The following CADM2 variants were observed in gnomAD, a reference collection of about 807,000 sequenced individuals.
CADM2 encodes immunoglobulin superfamily member 4D.
CADM2 carries 12 observed loss-of-function variants against 49.8 expected under a neutral mutation model. That is an observed-to-expected ratio of 0.24 (90% CI 0.15 to 0.39). The LOEUF (loss-of-function observed/expected upper bound fraction) is 0.39. CADM2 is among the 10% of genes least tolerant of loss of function. The pLI is 1.00. For synonymous variants in CADM2, 214 were observed against 175.4 expected, an observed-to-expected ratio of 1.22 and a Z score of -1.74; for missense variants, 378 against 492.3, an observed-to-expected ratio of 0.77 and a Z score of 2.20.
intron 1 of CADM2, among the ~76,000 whole-genome samples, chr3:85,011,011 CT>C (rs1180456041): frequency 6.6e-6 from 1 of 151,374 alleles, no homozygotes; most frequent in Admixed American, 6.6e-5. Flanking sequence ...CTACAGGCGC[CT>C]GCCACCACGC....
intron 8 of CADM2, among the ~76,000 whole-genome samples, chr3:86,031,437 TTGTTTTCATGG>T (rs1159841990): frequency 6.6e-6 from 1 of 151,882 alleles, no homozygotes; most frequent in Non-Finnish European, 1.5e-5. Flanking sequence ...GATTTTGTGC[TTGTTTTCATGG>T]TGTTTTCAAA....
chr3:85,411,156 G>A (rs1237229686), intron 1 of CADM2, among the ~76,000 whole-genome samples: 1 of 152,184 alleles, frequency 6.6e-6, no homozygotes. Flanking sequence ...GTTGTAAACT[G>A]ATCTATTGTG....
chr3:85,980,258 A>G (rs1577851995), intron 8 of CADM2, among the ~76,000 whole-genome samples: 1 of 151,466 alleles, frequency 6.6e-6, no homozygotes, highest in Admixed American at 6.6e-5. Context: ...ATTCAGTTGT[A>G]TGAAGGTTAT....
At chr3:85,410,413 C>T (rs1441293816) in intron 1 of CADM2, among the ~76,000 whole-genome samples, 1 of 152,146 alleles carries the variant, frequency 6.6e-6, no homozygotes, top group African/African-American at 2.4e-5. Context: ...CTCTCCTTTT[C>T]CTTTTTTGTA....
intron 1 of CADM2, among the ~76,000 whole-genome samples, chr3:85,128,314 C>T (rs1368932614): frequency 3.3e-5 from 5 of 152,048 alleles, no homozygotes; most frequent in Admixed American, 1.3e-4. Flanking sequence ...CTTGACCTTG[C>T]AATCAATATA....
chr3:85,516,175 A>G (rs1199458612), intron 1 of CADM2, among the ~76,000 whole-genome samples: 1 of 152,186 alleles, frequency 6.6e-6, no homozygotes, highest in Non-Finnish European at 1.5e-5. Context: ...AATTTGGCCC[A>G]TGAAGTTGAA....
At chr3:86,029,429 T>C (rs1346550731) in intron 8 of CADM2, among the ~76,000 whole-genome samples, 1 of 152,004 alleles carries the variant, frequency 6.6e-6, no homozygotes. Flanking sequence ...AGATCGTTAT[T>C]TGTGGGGAAC....
In CADM2 at chr3:86,065,549, G is replaced by A. The variant is rs567688917; in HGVS notation, c.971-56G>A. 5.4e-5 allele frequency: 84 copies of A among 1,543,924 alleles called. No individual in the cohort carries two copies. In the African/African-American group the frequency reaches 1.1e-3, roughly 20 times the overall value. ...AAATAACTCATTCTAATGCAGTTAT[G>A]TATTCTGTGACTAAATAACACATTA... On this transcript the variant is annotated intron_variant, in intron 8 of 9. Transcript: ENST00000383699.
At chr3:85,104,695 A>C (rs555526488) in intron 1 of CADM2, among the ~76,000 whole-genome samples, 4 of 152,248 alleles carry the variant, frequency 2.6e-5, no homozygotes, top group South Asian at 4.1e-4. Flanking sequence ...ATTCTTCCTA[A>C]CCATGAGCAT....
intron 1 of CADM2, among the ~76,000 whole-genome samples, chr3:85,428,680 C>CATATATAT (rs112249345): frequency 2.1e-5 from 3 of 143,226 alleles, no homozygotes; most frequent in African/African-American, 7.6e-5. Flanking sequence ...TATAATATAT[C>CATATATAT]ATATATATAT....
intron 1 of CADM2, among the ~76,000 whole-genome samples, chr3:85,516,698 G>A (rs980742751): frequency 6.6e-6 from 1 of 151,816 alleles, no homozygotes; most frequent in African/African-American, 2.4e-5. Context: ...CCAATTATAG[G>A]TCTATTATTT....
intron 1 of CADM2, among the ~76,000 whole-genome samples, chr3:85,429,325 G>T (rs1314716482): frequency 2.6e-5 from 4 of 152,056 alleles, no homozygotes; most frequent in African/African-American, 7.2e-5. Context: ...TGCCCCGCAC[G>T]ATGAAAACAA....
intron 1 of CADM2, among the ~76,000 whole-genome samples, chr3:85,286,187 T>C (rs912395372): frequency 8.5e-5 from 13 of 152,146 alleles, no homozygotes; most frequent in Non-Finnish European, 1.6e-4. Context: ...AACAGGTTGA[T>C]CTGGGACCGG....
rs1336731812 is a variant in CADM2 at position 85,127,152 on chromosome 3, AATTTTTTAAAGGGTG to A, written c.61+167488_61+167502del. Among the ~76,000 whole-genome samples the A allele has an allele frequency of 1.3e-4, 20 of 152,278 alleles. No homozygotes were observed. The East Asian group carries it at 1.4e-3, about 10-fold the overall frequency. ...TATTGACATTCAGCATAATAAAATC[AATTTTTTAAAGGGTG>A]ATTAAAAAAGAGAAAACCAGGCTTT... On this transcript the variant is annotated intron_variant, in intron 1 of 9. Transcript: ENST00000383699.
At chr3:85,367,170 G>A (rs2032847697) in intron 1 of CADM2, among the ~76,000 whole-genome samples, 1 of 151,774 alleles carries the variant, frequency 6.6e-6, no homozygotes, top group Non-Finnish European at 1.5e-5. Flanking sequence ...AATAATTTTA[G>A]TAGCATGTTA....
At chr3:85,195,632 G>C (rs2041326549) in intron 1 of CADM2, among the ~76,000 whole-genome samples, 1 of 151,740 alleles carries the variant, frequency 6.6e-6, no homozygotes, top group South Asian at 2.1e-4. Flanking sequence ...TATAAAATTT[G>C]AGCTTGAAGT....
chr3:85,593,570 G>A (rs1032194540), intron 1 of CADM2, among the ~76,000 whole-genome samples: 1 of 151,964 alleles, frequency 6.6e-6, no homozygotes, highest in African/African-American at 2.4e-5. Flanking sequence ...TCTGCAAATA[G>A]AAATGTGTAA....
At chr3:85,939,332 G>T (rs781387006) in intron 7 of CADM2, among the ~76,000 whole-genome samples, 15 of 151,950 alleles carry the variant, frequency 9.9e-5, no homozygotes, top group Non-Finnish European at 2.2e-4. Flanking sequence ...TTTAATTTTA[G>T]TTTAAAGTGA....
intron 2 of CADM2, among the ~76,000 whole-genome samples, chr3:85,801,313 G>T (rs898904532): frequency 6.6e-6 from 1 of 152,014 alleles, no homozygotes; most frequent in African/African-American, 2.4e-5. Context: ...ATTAACAAGG[G>T]TCATTTAAAA....
Sources: allele counts gnomAD v4.1 joint callset (sites outside exome capture counted in the v4.1 genomes callset), GRCh38; gene constraint gnomAD v4.1.1; transcripts MANE v1.5; gene names NCBI Gene and HGNC (gene_info 2026-07-23, HGNC 2026-07-21).